The following GALNT18 variants were observed in gnomAD, a reference collection of about 807,000 sequenced individuals.
GALNT18 encodes the protein polypeptide N-acetylgalactosaminyltransferase 18, also known as GalNAc-transferase 18.
In GALNT18, 44 loss-of-function variants were observed where a neutral mutation model predicts 69.5. That is an observed-to-expected ratio of 0.63 (90% CI 0.50 to 0.81). The LOEUF is 0.81. Among genes scored for constraint, GALNT18 ranks in the 40% least tolerant of loss-of-function variants. The probability of loss-of-function intolerance (pLI) is 0.00; values close to 1 mark genes in which losing one functional copy is unlikely to be tolerated. For synonymous variants in GALNT18, 364 were observed against 318.2 expected (o/e 1.14, Z -1.53); for missense variants, 715 against 810.0 (o/e 0.88, Z 1.42).
intron 9 of GALNT18, among the ~76,000 whole-genome samples, chr11:11,306,301 G>T (rs1849578903): frequency 6.6e-6 from 1 of 152,124 alleles, no homozygotes; most frequent in Admixed American, 6.5e-5. Context: ...GTGGGATCTG[G>T]ACTCACTAGC....
chr11:11,517,125 C>T, intron 1 of GALNT18, among the ~76,000 whole-genome samples: 1 of 152,232 alleles, frequency 6.6e-6, no homozygotes. Context: ...AGACACTGAA[C>T]CTGCTGGGGC....
rs1859691848 is a variant in GALNT18, at chr11:11,604,053, G to A, written c.235+17306C>T. 2.0e-5 allele frequency among the ~76,000 whole-genome samples: 3 copies of A among 152,124 alleles called. No individual in the cohort carries two copies. Among genetic ancestry groups the A allele is most frequent in the Admixed American group, 6.5e-5 (1 of 15,272 alleles). Reference sequence around the variant, plus strand: ...CTATTCTACCATGTGAAACACAAAGGTGCCATCTACGAGCAAGAAATTGGG... The same window carrying A: ...CTATTCTACCATGTGAAACACAAAGATGCCATCTACGAGCAAGAAATTGGG... On this transcript the variant is annotated intron_variant, in intron 1 of 10. Coordinates refer to ENST00000227756, the MANE Select transcript of GALNT18 (RefSeq NM_198516.3). This position sits in a 1 kb window ranked among gnomAD's most constrained non-coding sequence, Gnocchi z 5.6.
At chr11:11,561,642 T>G (rs1406117243) in intron 1 of GALNT18, among the ~76,000 whole-genome samples, 2 of 152,272 alleles carry the variant, frequency 1.3e-5, no homozygotes, top group Non-Finnish European at 2.9e-5. Flanking sequence ...AGGAAACACT[T>G]TCTGGTCCAG....
In GALNT18 at chr11:11,600,948, A is replaced by G. The variant is rs1412927791; in HGVS notation, c.235+20411T>C. Among the ~76,000 whole-genome samples the G allele has an allele frequency of 6.6e-6, 1 of 151,416 alleles. No homozygotes were observed. Among genetic ancestry groups the G allele is most frequent in the Non-Finnish European group, 1.5e-5 (1 of 67,888 alleles). ...AGTGCCCCAGTGATTTTTTCTTTTC[A>G]TTTCTTAAACATTTCAAGTCCCAAA... is the stretch of plus-strand genomic sequence containing the variant. On this transcript the variant is annotated intron_variant, in intron 1 of 10. Coordinates refer to ENST00000227756, the MANE Select transcript of GALNT18 (RefSeq NM_198516.3). The surrounding 1 kb of genome is among the most constrained non-coding windows in gnomAD (Gnocchi z 4.8).
Position 11,436,319 on chromosome 11 carries a change from G to A in GALNT18, c.429-3532C>T, listed in dbSNP as rs1002507994. Among the ~76,000 whole-genome samples the A allele has an allele frequency of 5.3e-5, 8 of 152,162 alleles. No individual in the cohort carries two copies. The highest frequency in any genetic ancestry group is 9.7e-5 in the African/African-American group (4 of 41,442). ...CAAGATTGAGGCTCTTCTATCTTAC[G>A]TTTTCCAACTTCCCCTCCCTCCCAA... On this transcript the variant is annotated intron_variant, in intron 2 of 10. Coordinates refer to ENST00000227756, the MANE Select transcript of GALNT18 (RefSeq NM_198516.3). This position sits in a 1 kb window ranked among gnomAD's most constrained non-coding sequence, Gnocchi z 4.5.
chr11:11,531,769 T>C (rs1011677269), intron 1 of GALNT18, among the ~76,000 whole-genome samples: 8 of 152,158 alleles, frequency 5.3e-5, no homozygotes, highest in Non-Finnish European at 1.2e-4. Flanking sequence ...CTGCTGTGAG[T>C]CTCTGGGTCT....
At chr11:11,384,747 C>A (rs147141933) in intron 3 of GALNT18, among the ~76,000 whole-genome samples, 54 of 152,312 alleles carry the variant, frequency 3.5e-4, no homozygotes, top group African/African-American at 1.2e-3. Flanking sequence ...GCGCCCTGAT[C>A]TCAGACCCCC....
At chr11:11,464,652 A>AT (rs1270056001) in intron 1 of GALNT18, among the ~76,000 whole-genome samples, 10 of 152,234 alleles carry the variant, frequency 6.6e-5, no homozygotes, top group African/African-American at 2.2e-4. Flanking sequence ...AATGAAATTC[A>AT]TTTATTTGAT....
chr11:11,407,933 T>C (rs1854628871), intron 3 of GALNT18, among the ~76,000 whole-genome samples: 1 of 152,196 alleles, frequency 6.6e-6, no homozygotes. Context: ...AGTCATTCAC[T>C]CCTTGAAGCA....
chr11:11,286,890 C>T (rs1849205954), intron 10 of GALNT18, among the ~76,000 whole-genome samples: 2 of 152,286 alleles, frequency 1.3e-5, no homozygotes, highest in Middle Eastern at 3.4e-3. Context: ...AAACCCTTCT[C>T]AGGGTTTGCC....
At chr11:11,574,178 A>G (rs1475006857) in intron 1 of GALNT18, among the ~76,000 whole-genome samples, 6 of 152,180 alleles carry the variant, frequency 3.9e-5, no homozygotes, top group African/African-American at 1.2e-4. Context: ...AGTGATAGAG[A>G]GGTTACCATT....
rs928744371 is a variant in GALNT18, at chr11:11,337,060, A to G, written c.1278+3759T>C. ...GGACTAGCTAAATGGGTGTTACACA[A>G]ACCTGGCCACCCTAAACTCTCATCT... On this transcript the variant is annotated intron_variant, in intron 7 of 10. Coordinates refer to ENST00000227756, the MANE Select transcript of GALNT18 (RefSeq NM_198516.3). This position sits in a 1 kb window ranked among gnomAD's most constrained non-coding sequence, Gnocchi z 4.9. Among the ~76,000 whole-genome samples, 6 of 152,192 alleles carry G rather than the reference A, an allele frequency of 3.9e-5. No homozygotes were observed. Among genetic ancestry groups the G allele is most frequent in the Admixed American group, 3.3e-4 (5 of 15,290 alleles).
At chr11:11,466,916 C>G (rs1452922180) in intron 1 of GALNT18, among the ~76,000 whole-genome samples, 1 of 152,132 alleles carries the variant, frequency 6.6e-6, no homozygotes, top group Non-Finnish European at 1.5e-5. Context: ...ATGAAAGGAC[C>G]CATTACTTGG....
At chr11:11,553,567 G>A (rs1466616602) in intron 1 of GALNT18, among the ~76,000 whole-genome samples, 2 of 152,324 alleles carry the variant, frequency 1.3e-5, no homozygotes, top group South Asian at 2.1e-4. Context: ...GAGAGGAGGG[G>A]TAGTCAGGGG....
At chr11:11,554,363 C>A (rs1475285729) in intron 1 of GALNT18, among the ~76,000 whole-genome samples, 1 of 151,992 alleles carries the variant, frequency 6.6e-6, no homozygotes, top group Non-Finnish European at 1.5e-5. Flanking sequence ...TGGGGGACCA[C>A]CGTGACGGGG....
chr11:11,569,291 G>A (rs1026124937), intron 1 of GALNT18, among the ~76,000 whole-genome samples: 8 of 149,744 alleles, frequency 5.3e-5, no homozygotes, highest in Non-Finnish European at 1.0e-4. Context: ...TCAAGGAAGT[G>A]AGCTCAATGT....
intron 10 of GALNT18, among the ~76,000 whole-genome samples, chr11:11,286,347 G>A (rs1238011113): frequency 6.6e-6 from 1 of 152,096 alleles, no homozygotes; most frequent in East Asian, 1.9e-4. Context: ...CCGTAACTTT[G>A]AGTATCCTAC....
At chr11:11,507,208 G>A (rs1157756320) in intron 1 of GALNT18, among the ~76,000 whole-genome samples, 3 of 152,178 alleles carry the variant, frequency 2.0e-5, no homozygotes, top group Non-Finnish European at 4.4e-5. Flanking sequence ...CACTTTTTAA[G>A]TCTCTCATTC....
chr11:11,446,793 C>G (rs1401292777), intron 2 of GALNT18, among the ~76,000 whole-genome samples: 2 of 152,190 alleles, frequency 1.3e-5, no homozygotes, highest in Non-Finnish European at 2.9e-5. Flanking sequence ...CTAATCTGCT[C>G]AAGCCCTTCC....
Sources: gnomAD v4.1 joint callset for allele counts (sites outside exome capture counted in the v4.1 genomes callset) on GRCh38, gnomAD v4.1.1 for gene constraint, Gnocchi (gnomAD v3.1) non-coding constraint, MANE v1.5 for transcripts, NCBI Gene and HGNC (gene_info 2026-07-23, HGNC 2026-07-21) for gene names.